NSG1: variants seen among roughly 807,000 people sequenced by gnomAD.
NSG1 encodes the protein neuronal vesicle trafficking associated 1.
A neutral mutation model predicts 19.3 loss-of-function variants in NSG1; 9 were observed. The observed-to-expected ratio is 0.47, with a 90% CI of 0.28 to 0.81. The LOEUF (loss-of-function observed/expected upper bound fraction) is 0.81. Ranked by LOEUF, NSG1 falls within the 40% of genes least tolerant of loss-of-function variation. NSG1 has a pLI of 0.11. For missense variants in NSG1, 236 were observed against 242.4 expected (o/e 0.97, Z 0.18); for synonymous variants, 104 against 107.0 (o/e 0.97, Z 0.17).
intron 3 of NSG1, among the ~76,000 whole-genome samples, chr4:4,396,207 C>T (rs549039235): frequency 1.3e-5 from 2 of 152,372 alleles, no homozygotes; most frequent in South Asian, 4.1e-4. Flanking sequence ...CTGATGCCTG[C>T]AGAGTGGCGG....
intron 3 of NSG1, among the ~76,000 whole-genome samples, chr4:4,401,384 C>T (rs940089992): frequency 4.6e-5 from 7 of 152,120 alleles, no homozygotes; most frequent in Non-Finnish European, 7.4e-5. Flanking sequence ...GCATCTTTGT[C>T]GCCGGGCTCG....
At chr4:4,398,938 A>G (rs1351752826) in intron 3 of NSG1, among the ~76,000 whole-genome samples, 1 of 152,174 alleles carries the variant, frequency 6.6e-6, no homozygotes. Context: ...CCACATCCTC[A>G]CCAGCACTTG....
chr4:4,418,564 T>TAA lies in NSG1; in HGVS notation c.*1130_*1131dup, dbSNP rs148158327. 0.13 allele frequency: 19,208 copies of TAA among 152,656 alleles called. 1,376 individuals carry two copies. Among genetic ancestry groups the TAA allele is most frequent in the Non-Finnish European group, 0.16 (10,957 of 68,002 alleles). 9.5% of individuals were successfully genotyped at this position (152,656 alleles called of 1,614,324 possible). ...TTACAAAACTGCCAGTTAGATGAAC[T>TAA]AAGTGTGTAAAACAAATAGAAAAGA... is the stretch of plus-strand genomic sequence containing the variant. On this transcript the variant is annotated 3_prime_UTR_variant, in exon 5 of 5. Coordinates refer to ENST00000621129, the MANE Select transcript of NSG1 (RefSeq NM_014392.5).
chr4:4,408,761 G>A (rs539894211), intron 3 of NSG1, among the ~76,000 whole-genome samples: 5 of 152,266 alleles, frequency 3.3e-5, no homozygotes, highest in Admixed American at 6.5e-5. Flanking sequence ...CGCCCAGCCC[G>A]TTTTGGCTTT....
rs372168367 is a variant in NSG1 at position 4,387,606 on chromosome 4, T to C, written c.-24T>C. The C allele has an allele frequency of 4.9e-6, 7 of 1,414,944 alleles. No individual in the cohort carries two copies. The highest frequency in any genetic ancestry group is 6.6e-6 in the Non-Finnish European group (7 of 1,056,190). 87.6% of individuals were successfully genotyped at this position (1,414,944 alleles called of 1,614,324 possible). A position where few individuals can be genotyped will look rare whatever the true frequency, so the allele number is the denominator to read the frequency against. ...TCCCCCCGGCCCTCCCGCCGCAGGC[T>C]GCAGCCTCGGAGCTCCCGGAACGAT... On this transcript the variant is annotated splice_region_variant and 5_prime_UTR_variant, in exon 2 of 5. Coordinates refer to ENST00000621129, the MANE Select transcript of NSG1 (RefSeq NM_014392.5).
chr4:4,405,101 C>A lies in NSG1; in HGVS notation c.247-4472C>A, dbSNP rs994018223. Among the ~76,000 whole-genome samples, 3 of 152,294 alleles carry A rather than the reference C, an allele frequency of 2.0e-5. No individual in the cohort carries two copies. The South Asian group carries it at 6.2e-4, about 32-fold the overall frequency. On this transcript the variant is annotated intron_variant, in intron 3 of 4. Transcript: ENST00000621129. The stretch of plus-strand genomic sequence containing the variant: ...CTACTGGAGGCCAGAAGTCTGAAAT[C>A]AAGGCTTCGGCAGAACTGTGCTCCC...
At chr4:4,417,122 T>G in intron 4 of NSG1, 113 bp from the exon 5 acceptor site, 2 of 860,328 alleles carry the variant, frequency 2.3e-6, no homozygotes, top group Non-Finnish European at 3.9e-6. Context: ...CATCACTGTA[T>G]CTATTCCTCC....
chr4:4,406,474 G>A (rs1227488531), intron 3 of NSG1, among the ~76,000 whole-genome samples: 1 of 152,210 alleles, frequency 6.6e-6, no homozygotes, highest in Non-Finnish European at 1.5e-5. Flanking sequence ...CACCCTGAGT[G>A]AGGCAGCCCT....
At chr4:4,405,837 C>A (rs901996310) in intron 3 of NSG1, among the ~76,000 whole-genome samples, 1 of 152,130 alleles carries the variant, frequency 6.6e-6, no homozygotes, top group African/African-American at 2.4e-5. Context: ...AGCCGTTGGG[C>A]CTGGGATCCT....
chr4:4,412,678 C>T (rs866697350), intron 4 of NSG1, among the ~76,000 whole-genome samples: 17 of 152,204 alleles, frequency 1.1e-4, no homozygotes, highest in Non-Finnish European at 1.8e-4. Context: ...GGCTTTTACA[C>T]CTGTTGCTCA....
At chr4:4,416,060 C>T in intron 4 of NSG1, 2 of 702,098 alleles carry the variant, frequency 2.8e-6, no homozygotes, top group Non-Finnish European at 5.2e-6. Flanking sequence ...CACACTGTGA[C>T]CTGGGGCACA....
intron 3 of NSG1, among the ~76,000 whole-genome samples, chr4:4,402,483 G>T (rs1007330207): frequency 9.1e-5 from 13 of 142,464 alleles, no homozygotes; most frequent in Non-Finnish European, 1.8e-4. Context: ...CGCCTTCCGG[G>T]TTCACGCCAT....
In NSG1 at chr4:4,417,910, C is replaced by T. The variant is rs1361529284; in HGVS notation, c.*475C>T. On this transcript the variant is annotated 3_prime_UTR_variant, in exon 5 of 5. Coordinates refer to ENST00000621129, the MANE Select transcript of NSG1 (RefSeq NM_014392.5). ...AGCGGGTAACAGTGCTGACTGCTGC[C>T]AAGGTGCACTGTAGTAAGTAAGTGG... The T allele has an allele frequency of 4.6e-6, 1 of 218,662 alleles. No individual in the cohort carries two copies. The highest frequency in any genetic ancestry group is 9.1e-6 in the Non-Finnish European group (1 of 110,090). 13.5% of individuals were successfully genotyped at this position (218,662 alleles called of 1,614,324 possible).
At chr4:4,390,565 A>G (rs1022871178) in intron 2 of NSG1, among the ~76,000 whole-genome samples, 46 of 152,096 alleles carry the variant, frequency 3.0e-4, no homozygotes, top group Admixed American at 1.0e-3. Context: ...CTCGGGGGAG[A>G]AAGAGCTTGG....
intron 3 of NSG1, among the ~76,000 whole-genome samples, chr4:4,409,239 C>T (rs1340686121): frequency 6.6e-6 from 1 of 152,266 alleles, no homozygotes; most frequent in Non-Finnish European, 1.5e-5. Flanking sequence ...CCCCACTTCT[C>T]ACACATGTGT....
At chr4:4,389,375 G>T (rs920400794) in intron 2 of NSG1, among the ~76,000 whole-genome samples, 4 of 152,224 alleles carry the variant, frequency 2.6e-5, no homozygotes, top group African/African-American at 9.6e-5. Context: ...CTCTTCTCGG[G>T]TCCAGCCAGA....
chr4:4,417,822 T>C lies in NSG1; in HGVS notation c.*387T>C. On this transcript the variant is annotated 3_prime_UTR_variant, in exon 5 of 5. Transcript: ENST00000621129. ...GTCTGCAAACCTTCCTCCATAGCCA[T>C]ATCTAGAGTGATCTCTCGCTGTGCT... 3.2e-6 allele frequency: 1 copy of C among 309,142 alleles called. No individual in the cohort carries two copies. The highest frequency in any genetic ancestry group is 9.5e-5 in the East Asian group (1 of 10,524). The allele number at this position is 309,142 out of a possible 1,614,324, so 19.1% of individuals were successfully genotyped here.
intron 3 of NSG1, among the ~76,000 whole-genome samples, chr4:4,396,702 CT>C (rs1723268915): frequency 7.6e-6 from 1 of 131,236 alleles, no homozygotes; most frequent in South Asian, 2.3e-4. Context: ...TTTCCACATT[CT>C]CCAGTAAGCC....
At chr4:4,414,789 C>T (rs1291910827) in intron 4 of NSG1, among the ~76,000 whole-genome samples, 1 of 152,188 alleles carries the variant, frequency 6.6e-6, no homozygotes, top group African/African-American at 2.4e-5. Context: ...GCACACTGGA[C>T]TCGACACCTT....
Sources: allele counts gnomAD v4.1 joint callset (sites outside exome capture counted in the v4.1 genomes callset), GRCh38; gene constraint gnomAD v4.1.1; transcripts MANE v1.5; gene names NCBI Gene and HGNC (gene_info 2026-07-23, HGNC 2026-07-21).